Variants in PRH1 observed in about 807,000 individuals in gnomAD.
PRH1 encodes the protein salivary acidic proline-rich phosphoprotein 1/2.
PRH1 carries 7 observed loss-of-function variants against 7.9 expected under a neutral mutation model. The ratio of observed to expected loss-of-function variants is 0.89; its 90% CI spans 0.50 to 1.67. The LOEUF (loss-of-function observed/expected upper bound fraction) is 1.67. Ranked by LOEUF, PRH1 falls within the 40% of genes most tolerant of loss-of-function variation. The pLI is 0.00. For synonymous variants in PRH1, 45 were observed against 80.8 expected, an observed-to-expected ratio of 0.56 and a Z score of 2.38; for missense variants, 109 against 223.6, an observed-to-expected ratio of 0.49 and a Z score of 3.27.
At chr12:11,028,102 G>A (rs1420764883) in intron 1 of PRH1, among the ~76,000 whole-genome samples, 1 of 152,166 alleles carries the variant, frequency 6.6e-6, no homozygotes, top group African/African-American at 2.4e-5. Flanking sequence ...GCCTGATCCA[G>A]GTCATCCTTC....
intron 1 of PRH1, among the ~76,000 whole-genome samples, chr12:11,008,109 GA>G (rs1418787822): frequency 2.0e-5 from 3 of 151,892 alleles, no homozygotes; most frequent in African/African-American, 4.8e-5. Flanking sequence ...AAAGCTGAAA[GA>G]AAAAAACTGA....
At chr12:11,059,300 C>T (rs906514896) in intron 1 of PRH1, among the ~76,000 whole-genome samples, 2 of 152,188 alleles carry the variant, frequency 1.3e-5, no homozygotes, top group African/African-American at 4.8e-5. Context: ...TGGCTGCCAG[C>T]AGAGCCATAC....
intron 1 of PRH1, chr12:11,022,074 G>C (rs774904403): frequency 9.3e-6 from 15 of 1,613,882 alleles, no homozygotes; most frequent in Non-Finnish European, 1.1e-5. Context: ...TCCTCAATTT[G>C]ATCTTCCAAG....
chr12:11,126,341 T>A (rs1282486577), intron 1 of PRH1, among the ~76,000 whole-genome samples: 1 of 151,306 alleles, frequency 6.6e-6, no homozygotes, highest in African/African-American at 2.4e-5. Flanking sequence ...GTAAACTTTA[T>A]ATAAATGTAA....
intron 1 of PRH1, among the ~76,000 whole-genome samples, chr12:10,980,203 T>C (rs886187078): frequency 1.3e-5 from 2 of 152,162 alleles, no homozygotes; most frequent in African/African-American, 2.4e-5. Flanking sequence ...AATTCATTGA[T>C]CATGGAGCAA....
At chr12:10,946,062 C>T (rs1950482331) in intron 2 of PRH1, among the ~76,000 whole-genome samples, 2 of 152,132 alleles carry the variant, frequency 1.3e-5, no homozygotes, top group Admixed American at 1.3e-4. Context: ...ACAATTTGTG[C>T]AGTTAATGCA....
chr12:11,085,812 A>ATC, intron 1 of PRH1, among the ~76,000 whole-genome samples: 1 of 120,506 alleles, frequency 8.3e-6, no homozygotes, highest in Non-Finnish European at 2.0e-5. Context: ...ACCTGTCTAT[A>ATC]ATTTGTGTTC....
intron 1 of PRH1, among the ~76,000 whole-genome samples, chr12:10,974,186 T>C (rs1020443083): frequency 6.6e-5 from 10 of 152,144 alleles, no homozygotes; most frequent in Non-Finnish European, 1.5e-5. Flanking sequence ...CTAGACAAAA[T>C]GAATATTCTC....
intron 2 of PRH1, among the ~76,000 whole-genome samples, chr12:10,948,494 C>T (rs538602764): frequency 1.3e-5 from 2 of 152,270 alleles, no homozygotes; most frequent in African/African-American, 4.8e-5. Context: ...TAAATTCTTT[C>T]TAATACTGGT....
intron 2 of PRH1, among the ~76,000 whole-genome samples, chr12:10,927,705 T>C (rs938739102): frequency 3.3e-5 from 5 of 152,198 alleles, no homozygotes; most frequent in Non-Finnish European, 5.9e-5. Flanking sequence ...TGCACATCTG[T>C]CTAGGGCCTT....
chr12:11,119,142 A>G (rs137902346), downstream of PRH1, among the ~76,000 whole-genome samples: 1,348 of 152,286 alleles, frequency 8.9e-3, 8 homozygotes, highest in Middle Eastern at 0.017. Flanking sequence ...TTGAATAAGT[A>G]AAAAATAACT....
In PRH1 at chr12:11,001,808, G is replaced by A. The variant is rs147778081; in HGVS notation, c.-125-28087C>T. Among the ~76,000 whole-genome samples, 41 of 152,102 alleles carry A rather than the reference G, an allele frequency of 2.7e-4. No individual in the cohort carries two copies. The East Asian group carries it at 3.5e-3, about 13-fold the overall frequency. On this transcript the variant is annotated intron_variant, in intron 1 of 3. Coordinates refer to the PRH1 transcript ENST00000539853. ...GGTGTAAAAAGGAGTAGAAGTACAC[G>A]TATCAAATTTCCATAAATAAACTTT...
chr12:11,017,455 T>A (rs1941346725), intron 1 of PRH1, among the ~76,000 whole-genome samples: 1 of 151,892 alleles, frequency 6.6e-6, no homozygotes, highest in Admixed American at 6.6e-5. Flanking sequence ...CCCATATTCC[T>A]GGTCCACATG....
At chr12:11,124,501 TATC>T (rs1367305957) in intron 1 of PRH1, among the ~76,000 whole-genome samples, 120 of 152,290 alleles carry the variant, frequency 7.9e-4, no homozygotes, top group Non-Finnish European at 1.9e-4. Context: ...ATTAGTTTAA[TATC>T]ATCTATAATT....
chr12:11,166,645 C>G (rs1182387235), intron 1 of PRH1, among the ~76,000 whole-genome samples: 1 of 152,206 alleles, frequency 6.6e-6, no homozygotes, highest in East Asian at 1.9e-4. Flanking sequence ...AAATGGGCTT[C>G]TCCAGTTTCT....
At chr12:11,147,700 T>C (rs1307094965) in intron 1 of PRH1, among the ~76,000 whole-genome samples, 1 of 152,216 alleles carries the variant, frequency 6.6e-6, no homozygotes, top group African/African-American at 2.4e-5. Context: ...TGAGTTTATA[T>C]TGCTTGTCCT....
intron 1 of PRH1, among the ~76,000 whole-genome samples, chr12:11,156,109 T>A (rs190169132): frequency 1.3e-5 from 2 of 152,188 alleles, no homozygotes; most frequent in Non-Finnish European, 2.9e-5. Flanking sequence ...TTCAGTAACT[T>A]TTTTCTATCT....
chr12:11,066,598 T>C lies in PRH1; in HGVS notation n.124-19410A>G, dbSNP rs1180007002. 1.7e-5 allele frequency among the ~76,000 whole-genome samples: 2 copies of C among 120,096 alleles called. 1 individual carries two copies. Among genetic ancestry groups the C allele is most frequent in the Non-Finnish European group, 4.0e-5 (2 of 50,108 alleles). The allele number at this position is 120,096 out of a possible 152,430, so 78.8% of individuals were successfully genotyped here. Reference sequence around the variant, plus strand: ...AATTACTTATTTTCCAAATTATGTATTTAAATATTTCAAAAATATATCATT... The same window carrying C: ...AATTACTTATTTTCCAAATTATGTACTTAAATATTTCAAAAATATATCATT... On this transcript the variant is annotated intron_variant and non_coding_transcript_variant, in intron 1 of 4. Transcript: ENST00000541977.
chr12:10,890,990 A>G (rs1249423580), intron 2 of PRH1, among the ~76,000 whole-genome samples: 1 of 151,926 alleles, frequency 6.6e-6, no homozygotes, highest in Non-Finnish European at 1.5e-5. Context: ...TTGTGCACAT[A>G]TATCCAACAG....
Sources: gnomAD v4.1 joint callset for allele counts (sites outside exome capture counted in the v4.1 genomes callset) on GRCh38, gnomAD v4.1.1 for gene constraint, MANE v1.5 for transcripts, NCBI Gene and HGNC (gene_info 2026-07-23, HGNC 2026-07-21) for gene names.